The following PTPRD variants were observed in gnomAD, a reference collection of about 807,000 sequenced individuals.
PTPRD encodes the protein receptor-type tyrosine-protein phosphatase delta.
PTPRD carries 34 observed loss-of-function variants against 214.5 expected under a neutral mutation model. That is an observed-to-expected ratio of 0.16 (90% confidence interval 0.12 to 0.21). The LOEUF (loss-of-function observed/expected upper bound fraction) is 0.21, where lower values mean the gene tolerates loss of function less well. Among genes scored for constraint, PTPRD ranks in the 10% least tolerant of loss-of-function variants. The pLI is 1.00. For missense variants in PTPRD, 2,545 were observed against 2,398.7 expected (o/e 1.06, Z -1.27); for synonymous variants, 1,128 against 845.7 (o/e 1.33, Z -5.79).
At chr9:9,902,444 T>C (rs1460243225) in intron 5 of PTPRD, among the ~76,000 whole-genome samples, 1 of 152,136 alleles carries the variant, frequency 6.6e-6, no homozygotes, top group African/African-American at 2.4e-5. Flanking sequence ...AATAATCATA[T>C]ACCAATCACT....
chr9:9,838,297 C>G (rs1399117571), intron 5 of PTPRD, among the ~76,000 whole-genome samples: 3 of 152,028 alleles, frequency 2.0e-5, no homozygotes, highest in African/African-American at 7.2e-5. Flanking sequence ...AATGGGATGG[C>G]TGGGTCAAAT....
intron 5 of PTPRD, among the ~76,000 whole-genome samples, chr9:9,861,420 A>G (rs2062751279): frequency 6.6e-6 from 1 of 152,068 alleles, no homozygotes; most frequent in Admixed American, 6.5e-5. Context: ...CCTCCCGAGT[A>G]GCTGGGACTA....
At position 9,476,187 on chromosome 9, in the gene PTPRD, A is replaced by C. The variant is rs530435382; in HGVS notation, c.-236-78705T>G. On this transcript the variant is annotated intron_variant, in intron 8 of 45. Transcript: ENST00000381196. ...GTATCAGAACAGAATCCCTCAGTTC[A>C]GCCGGCTGACTCCTAGTGTGTCTAT... is the stretch of plus-strand genomic sequence containing the variant. 2.0e-5 allele frequency among the ~76,000 whole-genome samples: 3 copies of C among 152,322 alleles called. No individual in the cohort carries two copies. In the East Asian group the frequency reaches 5.8e-4, roughly 29 times the overall value.
intron 9 of PTPRD, among the ~76,000 whole-genome samples, chr9:9,188,340 T>G (rs963768169): frequency 6.6e-6 from 1 of 152,072 alleles, no homozygotes; most frequent in African/African-American, 2.4e-5. Flanking sequence ...ATAAACATCC[T>G]TGTAGATATT....
intron 11 of PTPRD, among the ~76,000 whole-genome samples, chr9:8,970,752 A>G (rs1053825816): frequency 2.6e-5 from 4 of 151,822 alleles, no homozygotes; most frequent in Non-Finnish European, 5.9e-5. Context: ...TCTAAGTTCA[A>G]GCAAAATTTT....
intron 5 of PTPRD, among the ~76,000 whole-genome samples, chr9:9,906,143 T>A (rs772725674): frequency 1.3e-5 from 2 of 151,788 alleles, no homozygotes; most frequent in South Asian, 2.1e-4. Context: ...AATCTAGTCA[T>A]GGGGGAAGAA....
chr9:8,829,043 G>C (rs2099406), intron 11 of PTPRD, among the ~76,000 whole-genome samples: 69,351 of 152,022 alleles, frequency 0.46, 16,212 homozygotes, highest in African/African-American at 0.56. Flanking sequence ...TTACTGTTGA[G>C]AGCTTTCCAA....
intron 4 of PTPRD, among the ~76,000 whole-genome samples, chr9:9,964,540 G>A (rs2094560357): frequency 6.6e-6 from 1 of 152,144 alleles, no homozygotes; most frequent in Non-Finnish European, 1.5e-5. Flanking sequence ...ATGACTCAGT[G>A]GAAACGGGAG....
rs537115526 is a variant in PTPRD at position 8,407,964 on chromosome 9, A to C, written c.4087-3304T>G. Among the ~76,000 whole-genome samples, 123 of 152,340 alleles carry C rather than the reference A, an allele frequency of 8.1e-4. 2 individuals are homozygous for C. Among genetic ancestry groups the C allele is most frequent in the Non-Finnish European group, 1.2e-4 (8 of 68,028 alleles). ...TATACTAAGATCTTTCATATTTCAA[A>C]AAATACATAAAACTGGTTGAGGAAA... is the stretch of plus-strand genomic sequence containing the variant. On this transcript the variant is annotated intron_variant, in intron 35 of 45. Transcript: ENST00000381196.
intron 12 of PTPRD, among the ~76,000 whole-genome samples, chr9:8,716,136 A>G (rs1307217989): frequency 6.6e-6 from 1 of 152,124 alleles, no homozygotes; most frequent in Non-Finnish European, 1.5e-5. Flanking sequence ...CACCAACCTA[A>G]TAACCTAATA....
intron 11 of PTPRD, among the ~76,000 whole-genome samples, chr9:8,920,235 G>T (rs561316067): frequency 1.3e-5 from 2 of 151,936 alleles, no homozygotes; most frequent in Non-Finnish European, 2.9e-5. Context: ...TAGCTACTTG[G>T]GGGGCTGAGG....
chr9:8,591,231 G>A (rs1165246183), intron 14 of PTPRD, among the ~76,000 whole-genome samples: 1 of 152,142 alleles, frequency 6.6e-6, no homozygotes, highest in African/African-American at 2.4e-5. Flanking sequence ...ATTTCCCTTT[G>A]CCTTGTAGGG....
At chr9:9,224,664 C>T (rs1349182449) in intron 9 of PTPRD, among the ~76,000 whole-genome samples, 1 of 151,842 alleles carries the variant, frequency 6.6e-6, no homozygotes, top group Non-Finnish European at 1.5e-5. Context: ...AACTGGCTTA[C>T]CTAGTTTATT....
chr9:9,925,622 T>C (rs2084007007), intron 5 of PTPRD, among the ~76,000 whole-genome samples: 1 of 151,332 alleles, frequency 6.6e-6, no homozygotes, highest in African/African-American at 2.4e-5. Context: ...GATGACAAAA[T>C]TTTTTAAAAA....
intron 3 of PTPRD, among the ~76,000 whole-genome samples, chr9:10,070,482 T>C (rs1307236988): frequency 6.6e-6 from 1 of 152,020 alleles, no homozygotes; most frequent in South Asian, 2.1e-4. Flanking sequence ...CTATGAAAGA[T>C]TTTCAGCTCT....
chr9:10,444,475 A>G (rs1016969189), intron 2 of PTPRD, among the ~76,000 whole-genome samples: 1 of 151,792 alleles, frequency 6.6e-6, no homozygotes, highest in Non-Finnish European at 1.5e-5. Context: ...AATGTTTCTT[A>G]ACTTTCTTTA....
At chr9:9,134,233 C>A (rs906020323) in intron 10 of PTPRD, among the ~76,000 whole-genome samples, 8 of 147,962 alleles carry the variant, frequency 5.4e-5, no homozygotes, top group Non-Finnish European at 8.9e-5. Context: ...CCACCACGCC[C>A]GGCTAATTTT....
chr9:10,098,145 A>T (rs958714836), intron 3 of PTPRD, among the ~76,000 whole-genome samples: 82 of 151,984 alleles, frequency 5.4e-4, no homozygotes, highest in African/African-American at 1.8e-3. Flanking sequence ...TATATACACC[A>T]TGGAATACTA....
intron 5 of PTPRD, among the ~76,000 whole-genome samples, chr9:9,817,038 A>G (rs1323258741): frequency 6.6e-6 from 1 of 152,084 alleles, no homozygotes; most frequent in East Asian, 1.9e-4. Context: ...AAATAAGTAA[A>G]TTACCAGCTG....
Sources: gnomAD v4.1 joint callset for allele counts (sites outside exome capture counted in the v4.1 genomes callset) on GRCh38, gnomAD v4.1.1 for gene constraint, MANE v1.5 for transcripts, NCBI Gene and HGNC (gene_info 2026-07-23, HGNC 2026-07-21) for gene names.